MAPK4: variants seen among roughly 807,000 people sequenced by gnomAD.
MAPK4 encodes the protein mitogen-activated protein kinase 4, also known as Erk3-related.
Under a neutral mutation model 47.7 loss-of-function variants are expected in MAPK4, and 22 were observed. That is an observed-to-expected ratio of 0.46 (90% confidence interval 0.33 to 0.66). The LOEUF is 0.66. Among genes scored for constraint, MAPK4 ranks in the 30% least tolerant of loss-of-function variants. The probability of loss-of-function intolerance (pLI) is 0.02; values close to 1 mark genes in which losing one functional copy is unlikely to be tolerated. For synonymous variants in MAPK4, 390 were observed against 365.7 expected (o/e 1.07, Z -0.76); for missense variants, 736 against 831.7 (o/e 0.88, Z 1.42).
chr18:50,670,383 A>G (rs1277757251), intron 2 of MAPK4, among the ~76,000 whole-genome samples: 2 of 152,158 alleles, frequency 1.3e-5, no homozygotes, highest in Non-Finnish European at 2.9e-5. Context: ...TTTCTGCTTC[A>G]TAGCCCTCTG....
chr18:50,671,272 A>G (rs1221739320), intron 2 of MAPK4, among the ~76,000 whole-genome samples: 1 of 152,220 alleles, frequency 6.6e-6, no homozygotes, highest in South Asian at 2.1e-4. Flanking sequence ...TACACACACC[A>G]GGGACCTAAA....
chr18:50,727,389 T>G (rs1911257896), intron 5 of MAPK4, among the ~76,000 whole-genome samples: 1 of 152,186 alleles, frequency 6.6e-6, no homozygotes. Context: ...GATGATGGGT[T>G]TCAGATTAAG....
intron 5 of MAPK4, among the ~76,000 whole-genome samples, chr18:50,727,123 C>T (rs538976522): frequency 3.3e-5 from 5 of 152,336 alleles, no homozygotes; most frequent in African/African-American, 1.2e-4. Context: ...TAAACAATTT[C>T]TGCCTAGGCA....
At chr18:50,598,624 TC>T (rs1344738039) in intron 1 of MAPK4, among the ~76,000 whole-genome samples, 2 of 152,244 alleles carry the variant, frequency 1.3e-5, no homozygotes, top group African/African-American at 4.8e-5. Context: ...CCTTAGGCTG[TC>T]CCTTCTTTAC....
rs34966415 is a variant in MAPK4 at position 50,625,927 on chromosome 18, C to CAT, written c.-870-37156_-870-37155dup. 2.9e-3 allele frequency among the ~76,000 whole-genome samples: 275 copies of CAT among 93,430 alleles called. 1 individual carries two copies. Among genetic ancestry groups the CAT allele is most frequent in the African/African-American group, 0.011 (261 of 24,390 alleles). 61.3% of individuals were successfully genotyped at this position (93,430 alleles called of 152,430 possible). A position where few individuals can be genotyped will look rare whatever the true frequency, so the allele number is the denominator to read the frequency against. ...ACACACACACACACACACACACACACATATATAATGACATTTATTTTAAGG... is the reference window on the plus strand; with the variant it reads ...ACACACACACACACACACACACACACATATATATAATGACATTTATTTTAAGG... On this transcript the variant is annotated intron_variant, in intron 1 of 5. Transcript: ENST00000400384.
intron 1 of MAPK4, among the ~76,000 whole-genome samples, chr18:50,623,038 C>G (rs2042746227): frequency 6.6e-6 from 1 of 152,220 alleles, no homozygotes; most frequent in Non-Finnish European, 1.5e-5. Flanking sequence ...TTAGTTAATT[C>G]AGGAGACAGC....
chr18:50,583,929 C>G (rs568268267), intron 1 of MAPK4, among the ~76,000 whole-genome samples: 1 of 152,230 alleles, frequency 6.6e-6, no homozygotes, highest in East Asian at 1.9e-4. Context: ...TCTCAAAGTC[C>G]CTCTGACCCT....
chr18:50,684,076 A>ATCT (rs763523591), intron 2 of MAPK4, among the ~76,000 whole-genome samples: 13 of 152,288 alleles, frequency 8.5e-5, no homozygotes, highest in Non-Finnish European at 1.3e-4. Flanking sequence ...TGTGTTGTGC[A>ATCT]GATGGAGGGT....
intron 1 of MAPK4, among the ~76,000 whole-genome samples, chr18:50,600,298 G>C (rs1371732631): frequency 1.3e-5 from 2 of 152,042 alleles, no homozygotes; most frequent in Non-Finnish European, 2.9e-5. Context: ...ATTTATTCAG[G>C]AACCTCTCCC....
intron 2 of MAPK4, among the ~76,000 whole-genome samples, chr18:50,688,895 A>G (rs796504221): frequency 0.017 from 2,583 of 150,456 alleles, 29 homozygotes; most frequent in Non-Finnish European, 0.026. Context: ...GAAATAAAAA[A>G]AAAAAAAAAA....
chr18:50,624,868 T>C (rs778719345), intron 1 of MAPK4, among the ~76,000 whole-genome samples: 4 of 152,106 alleles, frequency 2.6e-5, no homozygotes, highest in Non-Finnish European at 5.9e-5. Flanking sequence ...GCCTGGGATC[T>C]AGAGAACTTG....
intron 1 of MAPK4, among the ~76,000 whole-genome samples, chr18:50,615,773 T>C (rs1000761533): frequency 1.3e-5 from 2 of 152,168 alleles, no homozygotes; most frequent in African/African-American, 2.4e-5. Flanking sequence ...CCAAGTTCAG[T>C]TCTGCTTTTT....
At chr18:50,689,548 A>G (rs1909096064) in intron 2 of MAPK4, among the ~76,000 whole-genome samples, 1 of 152,194 alleles carries the variant, frequency 6.6e-6, no homozygotes, top group Non-Finnish European at 1.5e-5. Flanking sequence ...AGGATGTTCA[A>G]GTTAACAAAA....
chr18:50,595,530 G>T (rs2042474379), intron 1 of MAPK4, among the ~76,000 whole-genome samples: 1 of 152,192 alleles, frequency 6.6e-6, no homozygotes, highest in African/African-American at 2.4e-5. Context: ...CATTGCCTTT[G>T]GCGAGGGTGG....
chr18:50,721,730 T>C (rs113316179), intron 3 of MAPK4, among the ~76,000 whole-genome samples: 138 of 152,260 alleles, frequency 9.1e-4, no homozygotes, highest in African/African-American at 3.0e-3. Context: ...TCAACTCCCT[T>C]TTTCTACTTT....
intron 1 of MAPK4, among the ~76,000 whole-genome samples, chr18:50,572,763 C>A (rs368948459): frequency 1.2e-4 from 19 of 152,302 alleles, no homozygotes; most frequent in Admixed American, 6.5e-4. Context: ...TTTTGCTCTA[C>A]AATTTGAGTT....
At chr18:50,639,574 C>A (rs2042920316) in intron 1 of MAPK4, among the ~76,000 whole-genome samples, 1 of 152,056 alleles carries the variant, frequency 6.6e-6, no homozygotes, top group South Asian at 2.1e-4. Flanking sequence ...AGATAATAAG[C>A]AAAATGTTAA....
At chr18:50,691,539 C>T (rs1420399491) in intron 2 of MAPK4, among the ~76,000 whole-genome samples, 1 of 152,138 alleles carries the variant, frequency 6.6e-6, no homozygotes, top group Non-Finnish European at 1.5e-5. Flanking sequence ...TTAACAAATC[C>T]TGAGGCATAT....
intron 1 of MAPK4, among the ~76,000 whole-genome samples, chr18:50,614,008 ATATCTTTAT>A (rs1240482236): frequency 2.6e-5 from 4 of 152,232 alleles, no homozygotes; most frequent in Non-Finnish European, 5.9e-5. Context: ...TATTGACAAT[ATATCTTTAT>A]AGTGACATGT....
Sources: gnomAD v4.1 joint callset for allele counts (sites outside exome capture counted in the v4.1 genomes callset) on GRCh38, gnomAD v4.1.1 for gene constraint, MANE v1.5 for transcripts, NCBI Gene and HGNC (gene_info 2026-07-23, HGNC 2026-07-21) for gene names.